Variants in SPTBN1 observed in about 807,000 individuals in gnomAD.
SPTBN1 encodes the protein spectrin beta chain, non-erythrocytic 1.
A neutral mutation model predicts 266.4 loss-of-function variants in SPTBN1; 32 were observed. The observed-to-expected ratio is 0.12, with a 90% CI of 0.09 to 0.16. The LOEUF is 0.16. Among genes scored for constraint, SPTBN1 ranks in the 10% least tolerant of loss-of-function variants. The probability of loss-of-function intolerance (pLI) is 1.00; values close to 1 mark genes in which losing one functional copy is unlikely to be tolerated. For synonymous variants in SPTBN1, 1,336 were observed against 1,162.2 expected (o/e 1.15, Z -3.04); for missense variants, 2,296 against 3,067.1 (o/e 0.75, Z 5.94).
chr2:54,658,742 A>C (rs1572772354), intron 30 of SPTBN1, among the ~76,000 whole-genome samples: 1 of 152,192 alleles, frequency 6.6e-6, no homozygotes, highest in East Asian at 1.9e-4. Context: ...CTGAACACAG[A>C]TCCCCACCAC....
intron 2 of SPTBN1, among the ~76,000 whole-genome samples, chr2:54,564,504 G>A (rs528067637): frequency 1.3e-5 from 2 of 152,166 alleles, no homozygotes; most frequent in African/African-American, 2.4e-5. Context: ...AGAGTGCTCC[G>A]TGCAAACATG....
chr2:54,542,272 A>G (rs1226276903), intron 2 of SPTBN1, among the ~76,000 whole-genome samples: 1 of 152,250 alleles, frequency 6.6e-6, no homozygotes, highest in Non-Finnish European at 1.5e-5. Context: ...AGGCCAAGCA[A>G]GCAGTGCCAT....
At position 54,670,568 on chromosome 2, in the gene SPTBN1, A is replaced by C. The variant is rs769905468; in HGVS notation, c.*1999A>C. 2.5e-6 allele frequency: 1 copy of C among 397,428 alleles called. No individual in the cohort carries two copies. Among genetic ancestry groups the C allele is most frequent in the African/African-American group, 2.1e-5 (1 of 48,634 alleles). The allele number at this position is 397,428 out of a possible 1,614,324, so 24.6% of individuals were successfully genotyped here. On this transcript the variant is annotated 3_prime_UTR_variant, in exon 36 of 36. Transcript: ENST00000356805. ...CTCAGGGTTGGAATCAAGTTGTTCT[A>C]TTCTCAACAGACCAAAATGTTTAGT...
At chr2:54,497,252 G>A (rs979479838) in intron 1 of SPTBN1, among the ~76,000 whole-genome samples, 8 of 152,224 alleles carry the variant, frequency 5.3e-5, no homozygotes, top group African/African-American at 1.9e-4. Flanking sequence ...TAAAAGAAGA[G>A]AAGGAATTAA....
intron 2 of SPTBN1, among the ~76,000 whole-genome samples, chr2:54,580,845 T>C (rs4616509): frequency 0.34 from 51,533 of 152,010 alleles, 11,217 homozygotes; most frequent in African/African-American, 0.63. Context: ...TCCCTGTAAT[T>C]CCAGCATTTT....
intron 2 of SPTBN1, among the ~76,000 whole-genome samples, chr2:54,542,697 C>T (rs932640263): frequency 6.6e-6 from 1 of 152,028 alleles, no homozygotes; most frequent in East Asian, 1.9e-4. Context: ...GAAACAAGGC[C>T]CTGAAGCTGA....
rs1671397608 is a variant in SPTBN1, at chr2:54,533,554, A to ATGATTGCT, written c.148+6989_148+6996dup. Among the ~76,000 whole-genome samples, 1 of 152,146 alleles carries ATGATTGCT rather than the reference A, an allele frequency of 6.6e-6. No individual in the cohort carries two copies. Among genetic ancestry groups the ATGATTGCT allele is most frequent in the Non-Finnish European group, 1.5e-5 (1 of 68,018 alleles). On this transcript the variant is annotated intron_variant, in intron 2 of 35. Transcript: ENST00000356805. The surrounding 1 kb of genome is among the most constrained non-coding windows in gnomAD (Gnocchi z 4.2). ...AAGTGCCTGGAAGTTAGTATAGGCA[A>ATGATTGCT]TGATTGCTGTAGTAAGATGGAGTTT... is the stretch of plus-strand genomic sequence containing the variant.
At chr2:54,492,263 T>C (rs531243098) in intron 1 of SPTBN1, among the ~76,000 whole-genome samples, 1 of 152,088 alleles carries the variant, frequency 6.6e-6, no homozygotes, top group Non-Finnish European at 1.5e-5. Context: ...AAACACTTTT[T>C]ATGGCTGTAT....
intron 2 of SPTBN1, among the ~76,000 whole-genome samples, chr2:54,578,777 T>TGA (rs1491077690): frequency 4.0e-5 from 6 of 150,362 alleles, no homozygotes; most frequent in African/African-American, 1.5e-4. Context: ...TGTGTGTGTG[T>TGA]GATGATAATT....
At chr2:54,510,228 G>C (rs970457476) in intron 1 of SPTBN1, among the ~76,000 whole-genome samples, 1 of 152,124 alleles carries the variant, frequency 6.6e-6, no homozygotes, top group Non-Finnish European at 1.5e-5. Context: ...TTATAGGCGT[G>C]AGCCACTGTG....
chr2:54,513,267 A>G (rs900647897), intron 1 of SPTBN1, among the ~76,000 whole-genome samples: 4 of 152,180 alleles, frequency 2.6e-5, no homozygotes, highest in African/African-American at 9.7e-5. Context: ...GGGGAGGTAT[A>G]TGTGTCTCAC....
intron 2 of SPTBN1, among the ~76,000 whole-genome samples, chr2:54,580,193 G>C (rs138653180): frequency 6.6e-6 from 1 of 152,176 alleles, no homozygotes; most frequent in South Asian, 2.1e-4. Context: ...CTGTGAAGCT[G>C]TTTCTTTAAA....
At chr2:54,547,508 T>C (rs1264229811) in intron 2 of SPTBN1, among the ~76,000 whole-genome samples, 1 of 152,218 alleles carries the variant, frequency 6.6e-6, no homozygotes, top group African/African-American at 2.4e-5. Flanking sequence ...ATGGTAGTTA[T>C]ATTTTTAATT....
At position 54,644,729 on chromosome 2, in the gene SPTBN1, A is replaced by G. The variant is rs1173100475; in HGVS notation, c.4269+143A>G. ...AACCCAAAATATTACTTGCTCTAACAGCATCGTAGAACATTTCCAGAATAG... is the reference window on the plus strand; with the variant it reads ...AACCCAAAATATTACTTGCTCTAACGGCATCGTAGAACATTTCCAGAATAG... On this transcript the variant is annotated intron_variant, in intron 20 of 35. Transcript: ENST00000356805. The G allele has an allele frequency of 3.7e-6, 4 of 1,086,978 alleles. No individual in the cohort carries two copies. The East Asian group carries it at 9.8e-5, about 27-fold the overall frequency. 67.3% of individuals were successfully genotyped at this position (1,086,978 alleles called of 1,614,324 possible).
intron 2 of SPTBN1, among the ~76,000 whole-genome samples, chr2:54,561,446 A>G (rs1001399962): frequency 8.0e-6 from 1 of 124,616 alleles, no homozygotes; most frequent in African/African-American, 3.2e-5. Context: ...TACTGGGTTT[A>G]ATGCCTCTGA....
chr2:54,612,428 G>T (rs1210547951), intron 4 of SPTBN1, 94 bp downstream of exon 4: 1 of 1,360,526 alleles, frequency 7.4e-7, no homozygotes, highest in East Asian at 2.4e-5. Flanking sequence ...CAGAGGGATC[G>T]GGAAGACCAG....
At chr2:54,584,379 C>T (rs1250852582) in intron 2 of SPTBN1, among the ~76,000 whole-genome samples, 5 of 152,062 alleles carry the variant, frequency 3.3e-5, no homozygotes, top group Admixed American at 2.6e-4. Context: ...TCTTCGTTTT[C>T]TTGCACAAAT....
At chr2:54,620,914 G>T (rs1677951540) in intron 7 of SPTBN1, among the ~76,000 whole-genome samples, 1 of 152,162 alleles carries the variant, frequency 6.6e-6, no homozygotes, top group Non-Finnish European at 1.5e-5. Context: ...GAAGGAAATC[G>T]GGAAAGCTGG....
intron 7 of SPTBN1, 80 bp from the exon 8 acceptor site, chr2:54,621,320 A>G: frequency 3.1e-6 from 3 of 952,614 alleles, no homozygotes; most frequent in South Asian, 2.9e-5. Context: ...GTTGACCAGC[A>G]GTCGTTGCAT....
Sources: gnomAD v4.1 joint callset for allele counts (sites outside exome capture counted in the v4.1 genomes callset) on GRCh38, gnomAD v4.1.1 for gene constraint, Gnocchi (gnomAD v3.1) non-coding constraint, MANE v1.5 for transcripts, NCBI Gene and HGNC (gene_info 2026-07-23, HGNC 2026-07-21) for gene names.